Variants in ZMAT1 observed in about 807,000 individuals in gnomAD.
ZMAT1 encodes the protein zinc finger matrin-type 1.
Under a neutral mutation model 18.5 loss-of-function variants are expected in ZMAT1, and 11 were observed. The ratio of observed to expected loss-of-function variants is 0.59; its 90% confidence interval spans 0.37 to 0.98. The LOEUF is 0.98. ZMAT1 is among the 50% of genes least tolerant of loss of function. The pLI is 0.01. For synonymous variants in ZMAT1, 211 were observed against 176.4 expected, an observed-to-expected ratio of 1.20 and a Z score of -1.55; for missense variants, 525 against 496.2, an observed-to-expected ratio of 1.06 and a Z score of -0.55.
chrX:101,904,289 C>G lies in ZMAT1; in HGVS notation c.334G>C (p.Asp112His), dbSNP rs1343179738. ...NEQEKAELFT[D>H]KFCQVCGVML... ...ACTCCACATACTTGACAAAACTTAT[C>G]TGTAAAAAGTTCAGCCTTTTCCTGT... is the stretch of plus-strand genomic sequence containing the variant. The change falls in exon 2 of 6, where the codon GAT becomes CAT. Residue 112 changes from aspartate (D) to histidine (H), a missense_variant. Asp to His is a moderately conservative substitution (Grantham distance 81). Transcript: ENST00000651725. 5.0e-6 allele frequency: 6 copies of G among 1,208,081 alleles called. No homozygotes were observed. Among genetic ancestry groups the G allele is most frequent in the Non-Finnish European group, 6.7e-6 (6 of 894,090 alleles).
chrX:101,883,920 G>C lies in ZMAT1; in HGVS notation c.1678C>G (p.Gln560Glu), dbSNP rs768283759. 5 of 1,210,403 alleles carry C rather than the reference G, an allele frequency of 4.1e-6. No individual in the cohort carries two copies. Among genetic ancestry groups the C allele is most frequent in the Non-Finnish European group, 5.6e-6 (5 of 895,016 alleles). The change falls in exon 6 of 6, where the codon CAG becomes GAG. Residue 560 changes from glutamine to glutamate, a missense_variant. Physicochemically the swap from Gln to Glu is conservative, Grantham distance 29. Coordinates refer to ENST00000651725, the MANE Select transcript of ZMAT1 (RefSeq NM_001394560.1). ...PEKPVPLSLN[Q>E]QENNSGSYSV... is the part of the protein sequence containing the mutation. ...TATGAGCCAGAGTTATTTTCTTGCT[G>C]ATTAAGGCTCAAGGGTACTGGTTTT... is the stretch of plus-strand genomic sequence containing the variant.
intron 4 of ZMAT1, 43 bp downstream of exon 4, chrX:101,897,825 G>A (rs763510075): frequency 8.7e-7 from 1 of 1,149,681 alleles, no homozygotes; most frequent in East Asian, 3.0e-5. Flanking sequence ...AAACATGATA[G>A]GTAGATCCTG....
rs1221786536 is a variant in ZMAT1 at position 101,883,334 on chromosome X, C to CT, written c.*175dup. ...TCTTTTCTCAGAGGTTAAGTTTGGG[C>CT]TTTTTTTTTCCTTCTTTTAATTCAA... On this transcript the variant is annotated 3_prime_UTR_variant, in exon 6 of 6. Transcript: ENST00000651725. 5.0e-4 allele frequency: 162 copies of CT among 326,431 alleles called. No homozygotes were observed. Among genetic ancestry groups the CT allele is most frequent in the Non-Finnish European group, 6.6e-4 (131 of 197,433 alleles). 26.9% of individuals were successfully genotyped at this position (326,431 alleles called of 1,213,427 possible).
intron 1 of ZMAT1, among the ~76,000 whole-genome samples, chrX:101,922,475 C>A (rs1278124584): frequency 1.8e-5 from 2 of 109,090 alleles, no homozygotes; most frequent in East Asian, 5.8e-4. Context: ...CTCACTGCAA[C>A]CTCTGCCTCC....
rs1326404836 is a variant in ZMAT1 at position 101,882,645 on chromosome X, A to G, written c.*865T>C. On this transcript the variant is annotated 3_prime_UTR_variant, in exon 6 of 6. Transcript: ENST00000651725. The stretch of plus-strand genomic sequence containing the variant: ...ATCTCCCATGAATAAATAATTCACT[A>G]TCACAGCAATTTGATGAGCAGAAGT... The G allele has an allele frequency of 8.9e-6, 1 of 111,867 alleles. No homozygotes were observed. The highest frequency in any genetic ancestry group is 1.9e-5 in the Non-Finnish European group (1 of 53,022). The allele number at this position is 111,867 out of a possible 1,213,427, so 9.2% of individuals were successfully genotyped here.
intron 1 of ZMAT1, among the ~76,000 whole-genome samples, chrX:101,918,093 A>C (rs1381543531): frequency 1.8e-5 from 2 of 111,774 alleles, no homozygotes; most frequent in Non-Finnish European, 3.8e-5. Context: ...CAAAATAAAC[A>C]GAATGAATAA....
intron 1 of ZMAT1, among the ~76,000 whole-genome samples, chrX:101,917,820 T>C (rs1929436996): frequency 8.9e-6 from 1 of 112,443 alleles, no homozygotes; most frequent in Admixed American, 9.4e-5. Context: ...ATAAAGAAAA[T>C]GTGGTACATA....
chrX:101,921,275 TC>T (rs1173461684), intron 1 of ZMAT1, among the ~76,000 whole-genome samples: 4 of 111,915 alleles, frequency 3.6e-5, no homozygotes, highest in Non-Finnish European at 5.6e-5. Context: ...TGAGAGCGGT[TC>T]CCAGTCATAT....
At chrX:101,886,101 A>C (rs1926925059) in intron 5 of ZMAT1, among the ~76,000 whole-genome samples, 1 of 112,247 alleles carries the variant, frequency 8.9e-6, no homozygotes, top group Non-Finnish European at 1.9e-5. Flanking sequence ...TGGACTAAAT[A>C]TTTATTGAAC....
rs1927504954 is a variant in ZMAT1, at chrX:101,892,692, A to C, written c.676+5176T>G. ...AACAAAACAAATATAATAAATAAAAAATACATACATACTTTAGTTCCATAT... is the reference window on the plus strand; with the variant it reads ...AACAAAACAAATATAATAAATAAAACATACATACATACTTTAGTTCCATAT... On this transcript the variant is annotated intron_variant, in intron 4 of 5. Transcript: ENST00000651725. 6.8e-6 allele frequency: 5 copies of C among 738,761 alleles called. No individual in the cohort carries two copies. The South Asian group carries it at 3.5e-4, about 51-fold the overall frequency. The allele number at this position is 738,761 out of a possible 1,213,427, so 60.9% of individuals were successfully genotyped here. A position where few individuals can be genotyped will look rare whatever the true frequency, so the allele number is the denominator to read the frequency against.
At chrX:101,914,329 AAAG>A (rs1431274716) in intron 1 of ZMAT1, among the ~76,000 whole-genome samples, 1 of 111,386 alleles carries the variant, frequency 9.0e-6, no homozygotes, top group East Asian at 2.8e-4. Context: ...TAGTAGAACA[AAAG>A]AAATAATAAA....
intron 2 of ZMAT1, among the ~76,000 whole-genome samples, chrX:101,901,118 T>C (rs916440453): frequency 4.5e-5 from 5 of 111,246 alleles, no homozygotes; most frequent in African/African-American, 6.5e-5. Context: ...TTGGTCGCTG[T>C]TGGTGTATAG....
chrX:101,909,550 T>C (rs1928824582), intron 1 of ZMAT1, among the ~76,000 whole-genome samples: 1 of 111,501 alleles, frequency 9.0e-6, no homozygotes, highest in Admixed American at 9.5e-5. Flanking sequence ...AGCGCTGAAA[T>C]GTGAGTCCCA....
chrX:101,892,513 G>C (rs1927487814), intron 4 of ZMAT1, among the ~76,000 whole-genome samples: 1 of 111,402 alleles, frequency 9.0e-6, no homozygotes, highest in Non-Finnish European at 1.9e-5. Context: ...TTCAAGTGTA[G>C]GTGACTAATA....
intron 1 of ZMAT1, among the ~76,000 whole-genome samples, chrX:101,917,881 G>A (rs1929442209): frequency 8.9e-6 from 1 of 112,464 alleles, no homozygotes; most frequent in African/African-American, 3.2e-5. Flanking sequence ...TCAGTCATTT[G>A]CAACATCATG....
At chrX:101,906,201 C>T (rs568297503) in intron 1 of ZMAT1, among the ~76,000 whole-genome samples, 2 of 110,815 alleles carry the variant, frequency 1.8e-5, no homozygotes, top group African/African-American at 6.6e-5. Context: ...AGTGCCAAGC[C>T]GAATCATTCA....
chrX:101,892,882 G>A (rs1401832135), intron 4 of ZMAT1: 1 of 177,696 alleles, frequency 5.6e-6, no homozygotes. Context: ...GGTGATGAGT[G>A]AAACAGTTAA....
rs766225865 is a variant in ZMAT1 at position 101,904,304 on chromosome X, C to G, written c.319G>C (p.Ala107Pro). 8.3e-7 allele frequency: 1 copy of G among 1,205,231 alleles called. No homozygotes were observed. Among genetic ancestry groups the G allele is most frequent in the Admixed American group, 2.2e-5 (1 of 45,155 alleles). Residue 107 changes from alanine (A) to proline (P), a missense_variant, in exon 2 of 6, where the codon GCT becomes CCT. Transcript: ENST00000651725. ...EDAIWNEQEK[A>P]ELFTDKFCQV... ...CAAAACTTATCTGTAAAAAGTTCAG[C>G]CTTTTCCTGTTCATTCCAAATGGCG...
chrX:101,885,806 C>T (rs944104281), intron 5 of ZMAT1, among the ~76,000 whole-genome samples: 1 of 110,613 alleles, frequency 9.0e-6, no homozygotes, highest in Non-Finnish European at 1.9e-5. Context: ...ACCTTAGCTA[C>T]CCAAGTAGCT....
Sources: allele counts gnomAD v4.1 joint callset (sites outside exome capture counted in the v4.1 genomes callset), GRCh38; gene constraint gnomAD v4.1.1; transcripts MANE v1.5; gene names NCBI Gene and HGNC (gene_info 2026-07-23, HGNC 2026-07-21).